The following CHD2 variants were observed in gnomAD, a reference collection of about 807,000 sequenced individuals.
CHD2 encodes the protein ATP-dependent chromatin remodeler CHD2.
CHD2 carries 28 observed loss-of-function variants against 243.9 expected under a neutral mutation model. The observed-to-expected ratio is 0.11, with a 90% CI of 0.09 to 0.16. The LOEUF is 0.16. Among genes scored for constraint, CHD2 ranks in the 10% least tolerant of loss-of-function variants. CHD2 has a pLI of 1.00. For missense variants in CHD2, 1,386 were observed against 2,209.8 expected, an observed-to-expected ratio of 0.63 and a Z score of 7.47; for synonymous variants, 775 against 779.0, an observed-to-expected ratio of 0.99 and a Z score of 0.09.
intron 5 of CHD2, among the ~76,000 whole-genome samples, chr15:92,931,300 C>T (rs1306190122): frequency 6.6e-6 from 1 of 152,124 alleles, no homozygotes; most frequent in East Asian, 1.9e-4. Flanking sequence ...AGGAAAGTTG[C>T]AAGAATAAAA....
chr15:92,956,016 A>G (rs922288734), intron 15 of CHD2, among the ~76,000 whole-genome samples: 1 of 152,246 alleles, frequency 6.6e-6, no homozygotes, highest in Non-Finnish European at 1.5e-5. Context: ...CTGCTAAGAA[A>G]TATATGTGGT....
intron 25 of CHD2, among the ~76,000 whole-genome samples, chr15:92,984,707 T>C (rs2054019197): frequency 6.6e-6 from 1 of 152,192 alleles, no homozygotes; most frequent in South Asian, 2.1e-4. Context: ...ATTTGGTCTT[T>C]GCAAATTGGC....
chr15:92,950,023 A>G (rs1567138703), intron 13 of CHD2, among the ~76,000 whole-genome samples: 2 of 152,218 alleles, frequency 1.3e-5, no homozygotes, highest in Non-Finnish European at 1.5e-5. Context: ...AAAACAAAGG[A>G]AGGGGGTTGT....
intron 6 of CHD2, among the ~76,000 whole-genome samples, chr15:92,938,226 A>G (rs192060045): frequency 1.6e-3 from 240 of 152,342 alleles, no homozygotes; most frequent in African/African-American, 5.5e-3. Flanking sequence ...GTTTTTATAG[A>G]TGAACATTTC....
intron 18 of CHD2, 146 bp from the exon 19 acceptor site, chr15:92,972,119 G>C (rs2053849265): frequency 9.7e-7 from 1 of 1,030,206 alleles, no homozygotes; most frequent in Admixed American, 2.9e-5. Context: ...CTGGGAAAAA[G>C]AACATTTCGG....
At chr15:92,920,180 A>G (rs1035839748) in intron 2 of CHD2, among the ~76,000 whole-genome samples, 2 of 152,076 alleles carry the variant, frequency 1.3e-5, no homozygotes, top group African/African-American at 4.8e-5. Flanking sequence ...TGTTGTGTGC[A>G]TTGTTACATT....
intron 2 of CHD2, among the ~76,000 whole-genome samples, chr15:92,911,020 G>A (rs12907473): frequency 0.36 from 54,841 of 151,988 alleles, 10,304 homozygotes; most frequent in Non-Finnish European, 0.41. Flanking sequence ...AACAGAAAAG[G>A]TACAGTTAAA....
intron 5 of CHD2, among the ~76,000 whole-genome samples, chr15:92,932,836 T>TCCGCCTCCTG (rs11267768): frequency 0.78 from 118,314 of 151,854 alleles, 47,279 homozygotes; most frequent in East Asian, 1. Context: ...CAGCTCACTG[T>TCCGCCTCCTG]GACTCAAGTG....
At chr15:92,911,095 T>G (rs963873336) in intron 2 of CHD2, among the ~76,000 whole-genome samples, 2 of 152,234 alleles carry the variant, frequency 1.3e-5, no homozygotes, top group Admixed American at 1.3e-4. Context: ...CTAAACTTCC[T>G]TATGTGGTGC....
At position 92,949,411 on chromosome 15, in the gene CHD2, C is replaced by T. The variant is rs1322869597; in HGVS notation, c.1502+335C>T. ...AATCTTTAATGTGGAAGGAGTTACT[C>T]AGAAGAAAGAAGAAGATGTCTTTTT... On this transcript the variant is annotated intron_variant, in intron 13 of 38. Transcript: ENST00000394196. Among the ~76,000 whole-genome samples, 57 of 152,118 alleles carry T rather than the reference C, an allele frequency of 3.7e-4. 1 individual carries two copies. Among genetic ancestry groups the T allele is most frequent in the Admixed American group, 3.7e-3 (57 of 15,276 alleles).
intron 2 of CHD2, among the ~76,000 whole-genome samples, chr15:92,911,141 A>C (rs957439211): frequency 1.3e-5 from 2 of 152,242 alleles, no homozygotes; most frequent in Non-Finnish European, 2.9e-5. Context: ...ATTAAATAGC[A>C]AGTCAGTAGG....
At chr15:92,982,836 G>T (rs1383654683) in intron 24 of CHD2, among the ~76,000 whole-genome samples, 2 of 152,148 alleles carry the variant, frequency 1.3e-5, no homozygotes, top group Non-Finnish European at 2.9e-5. Flanking sequence ...AGAGGATGGG[G>T]TAGAGAAGGG....
In CHD2 at chr15:93,020,092, C is replaced by T. The variant is rs746965265; in HGVS notation, c.4987C>T (p.His1663Tyr). 6 of 1,614,066 alleles carry T rather than the reference C, an allele frequency of 3.7e-6. No individual in the cohort carries two copies. Among genetic ancestry groups the T allele is most frequent in the Non-Finnish European group, 5.1e-6 (6 of 1,180,012 alleles). The change falls in exon 38 of 39, where the codon CAT becomes TAT. Residue 1663 changes from histidine to tyrosine, a missense_variant. Transcript: ENST00000394196. ...NNPPWGSDRH[H>Y]QYEQHWYKDH... is the part of the protein sequence containing the mutation. ...TCCACCATGGGGAAGCGACAGGCAC[C>T]ATCAGTATGAGCAGCACTGGTACAA... is the stretch of plus-strand genomic sequence containing the variant.
chr15:92,916,889 C>A (rs2052848454), intron 2 of CHD2, among the ~76,000 whole-genome samples: 3 of 152,166 alleles, frequency 2.0e-5, no homozygotes, highest in Admixed American at 6.5e-5. Flanking sequence ...GCTATTCTTA[C>A]AATTATTTAA....
chr15:92,955,587 T>C (rs1160733379), intron 15 of CHD2, 75 bp downstream of exon 15: 2 of 856,202 alleles, frequency 2.3e-6, no homozygotes, highest in Non-Finnish European at 3.5e-6. Context: ...GTTACTGTTC[T>C]GTGGAGCATG....
intron 16 of CHD2, among the ~76,000 whole-genome samples, chr15:92,957,749 A>G (rs892735110): frequency 2.0e-5 from 3 of 151,972 alleles, no homozygotes; most frequent in Admixed American, 6.6e-5. Context: ...ATAGTTTGCA[A>G]CCATCATCAT....
Position 92,953,537 on chromosome 15 carries a change from A to G in CHD2, c.1683A>G (p.Val561=), listed in dbSNP as rs1442874427. ...EFEIWAPEIN[V]VVYIGDLMSR... ...AAATCTGGGCACCAGAGATTAACGT[A>G]GTGGTTTACATAGGTGACCTGATGA... The change falls in exon 14 of 39, where the codon GTA becomes GTG. Residue 561 remains valine (V), a synonymous_variant. Transcript: ENST00000394196. The G allele has an allele frequency of 6.2e-7, 1 of 1,614,042 alleles. No homozygotes were observed. The highest frequency in any genetic ancestry group is 1.3e-5 in the African/African-American group (1 of 74,912).
At chr15:93,012,847 C>T (rs1266525903) in intron 36 of CHD2, among the ~76,000 whole-genome samples, 1 of 152,208 alleles carries the variant, frequency 6.6e-6, no homozygotes, top group African/African-American at 2.4e-5. Context: ...TCCTGCTACT[C>T]ACTTGTGAGA....
intron 26 of CHD2, among the ~76,000 whole-genome samples, chr15:92,989,714 T>G (rs2054092067): frequency 6.6e-6 from 1 of 152,206 alleles, no homozygotes; most frequent in Non-Finnish European, 1.5e-5. Context: ...TTTCAGTTCC[T>G]GCTTGCACAG....
Sources: allele counts gnomAD v4.1 joint callset (sites outside exome capture counted in the v4.1 genomes callset), GRCh38; gene constraint gnomAD v4.1.1; transcripts MANE v1.5; gene names NCBI Gene and HGNC (gene_info 2026-07-23, HGNC 2026-07-21).